KCNH7: variants seen among roughly 807,000 people sequenced by gnomAD.
The protein encoded by KCNH7 is potassium voltage-gated channel subfamily H member 7.
KCNH7 carries 49 observed loss-of-function variants against 120.8 expected under a neutral mutation model. That is an observed-to-expected ratio of 0.41 (90% CI 0.32 to 0.51). KCNH7 has a LOEUF of 0.51. Ranked by LOEUF, KCNH7 falls within the 20% of genes least tolerant of loss-of-function variation. KCNH7 has a pLI of 0.38. For synonymous variants in KCNH7, 547 were observed against 516.1 expected (o/e 1.06, Z -0.81); for missense variants, 1,097 against 1,446.6 (o/e 0.76, Z 3.92).
chr2:162,577,386 T>TATC (rs1332377358), intron 2 of KCNH7, among the ~76,000 whole-genome samples: 1 of 120,512 alleles, frequency 8.3e-6, no homozygotes, highest in African/African-American at 2.7e-5. Flanking sequence ...TCTATCTATC[T>TATC]ATCTATCTAT....
intron 13 of KCNH7, among the ~76,000 whole-genome samples, chr2:162,381,615 G>T (rs1223967512): frequency 1.3e-5 from 2 of 152,068 alleles, no homozygotes; most frequent in African/African-American, 4.8e-5. Context: ...AAAAATATAG[G>T]ATCAGAGTTC....
intron 2 of KCNH7, among the ~76,000 whole-genome samples, chr2:162,720,787 C>T (rs1574305042): frequency 6.6e-6 from 1 of 151,960 alleles, no homozygotes; most frequent in African/African-American, 2.4e-5. Flanking sequence ...GGTGTAGAAA[C>T]CTCACTTGTT....
At chr2:162,543,481 C>A (rs1463706105) in intron 2 of KCNH7, among the ~76,000 whole-genome samples, 1 of 152,088 alleles carries the variant, frequency 6.6e-6, no homozygotes, top group Non-Finnish European at 1.5e-5. Context: ...TTAACACAAA[C>A]CTGGTTGTCA....
At chr2:162,591,239 T>C (rs867917167) in intron 2 of KCNH7, among the ~76,000 whole-genome samples, 20 of 151,780 alleles carry the variant, frequency 1.3e-4, no homozygotes, top group African/African-American at 4.9e-4. Flanking sequence ...TTTTTATGCA[T>C]TTCTTTTATT....
At chr2:162,548,038 C>T (rs971474202) in intron 2 of KCNH7, among the ~76,000 whole-genome samples, 2 of 152,300 alleles carry the variant, frequency 1.3e-5, no homozygotes, top group Middle Eastern at 3.4e-3. Flanking sequence ...TAGCCCTCTC[C>T]TCTTCTCACA....
chr2:162,498,062 A>G (rs577815487), intron 6 of KCNH7, among the ~76,000 whole-genome samples: 154 of 152,284 alleles, frequency 1.0e-3, no homozygotes, highest in African/African-American at 3.5e-3. Flanking sequence ...GTAAAGCTAC[A>G]GGAAAATTAT....
chr2:162,371,894 G>A lies in KCNH7; in HGVS notation c.3526C>T (p.Leu1176=), dbSNP rs370636080. ...AGACCCACGATTCCTACAGTGCTTA[G>A]GGATGAATCTGGCAAAGAAGGATGC... ...IRHPSLPDSS[L]STVGIVGLHR... Residue 1176 remains leucine (L), a synonymous_variant, in exon 16 of 16, where the codon CTA becomes TTA. Coordinates refer to ENST00000332142, the MANE Select transcript of KCNH7 (RefSeq NM_033272.4). 6.0e-5 allele frequency: 97 copies of A among 1,613,688 alleles called. No individual in the cohort carries two copies. Among genetic ancestry groups the A allele is most frequent in the Non-Finnish European group, 7.8e-5 (92 of 1,179,802 alleles).
At chr2:162,774,481 CA>C (rs894323726) in intron 2 of KCNH7, among the ~76,000 whole-genome samples, 2 of 152,028 alleles carry the variant, frequency 1.3e-5, no homozygotes, top group African/African-American at 2.4e-5. Context: ...TTGTATTTTA[CA>C]ACTCTTATCC....
intron 2 of KCNH7, among the ~76,000 whole-genome samples, chr2:162,790,818 A>C (rs1683906642): frequency 6.6e-6 from 1 of 152,162 alleles, no homozygotes; most frequent in African/African-American, 2.4e-5. Context: ...TTAGATAAAG[A>C]AAAAATGTAT....
intron 2 of KCNH7, among the ~76,000 whole-genome samples, chr2:162,549,735 G>T (rs1267951453): frequency 6.6e-6 from 1 of 152,138 alleles, no homozygotes; most frequent in African/African-American, 2.4e-5. Flanking sequence ...AACTTAATAA[G>T]ATAAGAATTA....
At position 162,518,065 on chromosome 2, in the gene KCNH7, T is replaced by C. The variant is rs770723227; in HGVS notation, c.557A>G (p.Asp186Gly). Residue 186 changes from aspartate (D) to glycine (G), a missense_variant, in exon 4 of 16, where the codon GAT (aspartate) becomes GGT (glycine). Asp to Gly is a moderately conservative substitution (Grantham distance 94, BLOSUM62 -1). Coordinates refer to ENST00000332142, the MANE Select transcript of KCNH7 (RefSeq NM_033272.4). ...TGAATCATCACTGTGTTTAGATGAA[T>C]CGATGACCACCACATCGGGGTCTTC... Reference protein sequence around the residue: ...PQEDPDVVVIDSSKHSDDSVA... With the variant: ...PQEDPDVVVIGSSKHSDDSVA... 21 of 1,612,428 alleles carry C rather than the reference T, an allele frequency of 1.3e-5. No individual in the cohort carries two copies. In the Admixed American group the frequency reaches 3.2e-4, roughly 24 times the overall value.
chr2:162,711,838 G>T (rs1236930368), intron 2 of KCNH7, among the ~76,000 whole-genome samples: 1 of 151,880 alleles, frequency 6.6e-6, no homozygotes, highest in Non-Finnish European at 1.5e-5. Flanking sequence ...CTTCAGAAGG[G>T]CAGGGAAAAA....
At chr2:162,488,687 C>A (rs960804344) in intron 6 of KCNH7, among the ~76,000 whole-genome samples, 3 of 152,158 alleles carry the variant, frequency 2.0e-5, no homozygotes, top group Non-Finnish European at 4.4e-5. Context: ...GAAAAATCTG[C>A]GCTCAGTCCT....
At chr2:162,657,367 T>C (rs1430987956) in intron 2 of KCNH7, among the ~76,000 whole-genome samples, 1 of 152,232 alleles carries the variant, frequency 6.6e-6, no homozygotes, top group Non-Finnish European at 1.5e-5. Flanking sequence ...ACTTTCTTCA[T>C]GGTTTTTCCT....
intron 2 of KCNH7, among the ~76,000 whole-genome samples, chr2:162,716,148 C>A (rs916578793): frequency 2.0e-5 from 3 of 152,094 alleles, no homozygotes; most frequent in African/African-American, 4.8e-5. Context: ...TTCCATACTT[C>A]AAGTCCTTTT....
intron 14 of KCNH7, 40 bp from the exon 15 acceptor site, chr2:162,373,702 A>T: frequency 1.5e-6 from 2 of 1,343,070 alleles, no homozygotes; most frequent in South Asian, 2.1e-5. Context: ...AGTCTAAAAT[A>T]GTCCAGAATT....
chr2:162,798,522 C>T (rs918355749), intron 2 of KCNH7, among the ~76,000 whole-genome samples: 2 of 151,926 alleles, frequency 1.3e-5, no homozygotes, highest in African/African-American at 4.8e-5. Flanking sequence ...TTTCTAAGAG[C>T]TTTGTTTTCC....
intron 6 of KCNH7, among the ~76,000 whole-genome samples, chr2:162,450,974 T>G (rs1470184354): frequency 6.6e-6 from 1 of 152,008 alleles, no homozygotes; most frequent in Non-Finnish European, 1.5e-5. Flanking sequence ...TACTTGTTTC[T>G]TTATGGTTCC....
chr2:162,536,433 C>T lies in KCNH7; in HGVS notation c.463+492G>A, dbSNP rs74528294. On this transcript the variant is annotated intron_variant, in intron 3 of 15. Coordinates refer to ENST00000332142, the MANE Select transcript of KCNH7 (RefSeq NM_033272.4). ...ATAGTTGAGAAAACGGATTCTGACACGCTTTGTTGGCATAGTTTTGGGGAA... is the reference window on the plus strand; with the variant it reads ...ATAGTTGAGAAAACGGATTCTGACATGCTTTGTTGGCATAGTTTTGGGGAA... Among the ~76,000 whole-genome samples the T allele has an allele frequency of 8.0e-3, 1,219 of 151,966 alleles. 17 individuals carry two copies. The highest frequency in any genetic ancestry group is 0.028 in the African/African-American group (1,163 of 41,498).
Sources: allele counts gnomAD v4.1 joint callset (sites outside exome capture counted in the v4.1 genomes callset), GRCh38; gene constraint gnomAD v4.1.1; transcripts MANE v1.5; gene names NCBI Gene and HGNC (gene_info 2026-07-23, HGNC 2026-07-21).